Variants in COL14A1 observed in about 807,000 individuals in gnomAD.
COL14A1 encodes the protein collagen type XIV alpha 1 chain.
COL14A1 carries 136 observed loss-of-function variants against 230.3 expected under a neutral mutation model. The observed-to-expected ratio is 0.59, with a 90% CI of 0.51 to 0.68. The LOEUF (loss-of-function observed/expected upper bound fraction) is 0.68, where lower values mean the gene tolerates loss of function less well. Among genes scored for constraint, COL14A1 ranks in the 30% least tolerant of loss-of-function variants. The probability of loss-of-function intolerance (pLI) is 0.00; values close to 1 mark genes in which losing one functional copy is unlikely to be tolerated. For synonymous variants in COL14A1, 792 were observed against 784.1 expected (o/e 1.01, Z -0.17); for missense variants, 1,976 against 2,215.8 (o/e 0.89, Z 2.17).
intron 1 of COL14A1, among the ~76,000 whole-genome samples, chr8:120,142,668 A>C (rs1290513752): frequency 6.6e-6 from 1 of 152,202 alleles, no homozygotes; most frequent in Middle Eastern, 3.2e-3. Flanking sequence ...TTTTGGTGGT[A>C]GGCCGGTAGG....
intron 23 of COL14A1, 74 bp downstream of exon 23, chr8:120,255,430 C>A: frequency 3.6e-6 from 4 of 1,110,948 alleles, no homozygotes; most frequent in Middle Eastern, 4.3e-4. Context: ...CTGTGTACAA[C>A]ACACAAGTAG....
chr8:120,314,170 G>C, intron 38 of COL14A1, 143 bp downstream of exon 38: 1 of 591,970 alleles, frequency 1.7e-6, no homozygotes, highest in East Asian at 3.1e-5. Context: ...TTCACTAGTT[G>C]TGCCCTTAGC....
chr8:120,211,346 A>C (rs550575144), intron 12 of COL14A1, among the ~76,000 whole-genome samples: 37 of 152,360 alleles, frequency 2.4e-4, no homozygotes, highest in African/African-American at 8.7e-4. Flanking sequence ...CAACATGGAT[A>C]AATCTCAAAA....
At chr8:120,279,568 A>T (rs1234628453) in intron 28 of COL14A1, among the ~76,000 whole-genome samples, 1 of 144,898 alleles carries the variant, frequency 6.9e-6, no homozygotes, top group African/African-American at 2.6e-5. Flanking sequence ...AAAAAAAAAA[A>T]CTGAGATAAG....
intron 5 of COL14A1, among the ~76,000 whole-genome samples, chr8:120,184,214 G>A (rs1035029242): frequency 2.1e-5 from 3 of 145,946 alleles, no homozygotes; most frequent in East Asian, 2.0e-4. Context: ...GTGTGTGTGG[G>A]GGGGGAAGAG....
At chr8:120,280,886 T>C in intron 30 of COL14A1, 35 bp from the exon 31 acceptor site, 1 of 1,501,540 alleles carries the variant, frequency 6.7e-7, no homozygotes, top group Non-Finnish European at 8.9e-7. Context: ...ATATTCCTTA[T>C]GTTTATTCTT....
At chr8:120,181,539 A>G (rs192309133) in intron 5 of COL14A1, among the ~76,000 whole-genome samples, 237 of 152,336 alleles carry the variant, frequency 1.6e-3, no homozygotes, top group Non-Finnish European at 2.7e-3. Flanking sequence ...TCTGTTAAGT[A>G]TAAGTATACA....
intron 42 of COL14A1, among the ~76,000 whole-genome samples, chr8:120,335,428 C>G (rs1456952064): frequency 6.6e-6 from 1 of 152,214 alleles, no homozygotes; most frequent in Non-Finnish European, 1.5e-5. Flanking sequence ...AGGAATACCA[C>G]AGCTGGCTTG....
chr8:120,271,272 T>A (rs979822146), intron 26 of COL14A1, among the ~76,000 whole-genome samples: 3 of 151,406 alleles, frequency 2.0e-5, no homozygotes, highest in African/African-American at 7.3e-5. Flanking sequence ...ACCTGTCAGG[T>A]AACATGCTGA....
intron 34 of COL14A1, among the ~76,000 whole-genome samples, chr8:120,291,559 CA>C (rs375963111): frequency 0.043 from 1,798 of 41,556 alleles, 11 homozygotes; most frequent in African/African-American, 0.11. Flanking sequence ...GACTCCATCT[CA>C]AAAAAAAAAA....
At chr8:120,298,917 A>G (rs766239197) in intron 35 of COL14A1, among the ~76,000 whole-genome samples, 2 of 151,800 alleles carry the variant, frequency 1.3e-5, no homozygotes, top group African/African-American at 4.8e-5. Flanking sequence ...ACTTACAAAC[A>G]TGGTGGAAGG....
chr8:120,257,698 C>A (rs1013997141), intron 23 of COL14A1, among the ~76,000 whole-genome samples: 8 of 152,114 alleles, frequency 5.3e-5, no homozygotes, highest in Admixed American at 3.3e-4. Flanking sequence ...CATATGCGGT[C>A]TCTGCAGAAA....
intron 5 of COL14A1, among the ~76,000 whole-genome samples, chr8:120,168,806 G>A (rs931791297): frequency 1.1e-4 from 17 of 152,016 alleles, no homozygotes; most frequent in African/African-American, 3.4e-4. Context: ...CTTTTTAATA[G>A]CCAGATAGTG....
intron 14 of COL14A1, among the ~76,000 whole-genome samples, chr8:120,222,554 C>T (rs1039156663): frequency 6.6e-6 from 1 of 152,124 alleles, no homozygotes; most frequent in African/African-American, 2.4e-5. Context: ...TGGCCCTCTC[C>T]AGAAGAGTGG....
chr8:120,232,415 C>T (rs888100849), intron 19 of COL14A1, among the ~76,000 whole-genome samples: 2 of 152,136 alleles, frequency 1.3e-5, no homozygotes, highest in Non-Finnish European at 2.9e-5. Context: ...CTATCCCTCC[C>T]CTTGCCCCAC....
At chr8:120,327,058 C>A (rs938239940) in intron 40 of COL14A1, among the ~76,000 whole-genome samples, 3 of 152,072 alleles carry the variant, frequency 2.0e-5, no homozygotes, top group Non-Finnish European at 4.4e-5. Flanking sequence ...CAAAAACCCA[C>A]CTTTGTTCTT....
intron 25 of COL14A1, among the ~76,000 whole-genome samples, chr8:120,268,392 C>T (rs532055785): frequency 3.3e-5 from 5 of 151,494 alleles, no homozygotes; most frequent in Non-Finnish European, 7.4e-5. Flanking sequence ...TTACAGAATG[C>T]TCTGTAATAT....
chr8:120,254,340 C>A (rs959196838), intron 22 of COL14A1, among the ~76,000 whole-genome samples: 1 of 152,102 alleles, frequency 6.6e-6, no homozygotes, highest in East Asian at 1.9e-4. Flanking sequence ...TTAATAGGAA[C>A]CTATGTATTT....
At chr8:120,138,239 T>G (rs530181153) in intron 1 of COL14A1, among the ~76,000 whole-genome samples, 159 of 152,292 alleles carry the variant, frequency 1.0e-3, no homozygotes, top group Non-Finnish European at 1.7e-3. Context: ...TTCTTATTTC[T>G]TTAGTCCTAT....
Sources: gnomAD v4.1 joint callset for allele counts (sites outside exome capture counted in the v4.1 genomes callset) on GRCh38, gnomAD v4.1.1 for gene constraint, MANE v1.5 for transcripts, NCBI Gene and HGNC (gene_info 2026-07-23, HGNC 2026-07-21) for gene names.